The following MYO15B variants were observed in gnomAD, a reference collection of about 807,000 sequenced individuals.
MYO15B encodes myosin XVB.
A neutral mutation model predicts 119.3 loss-of-function variants in MYO15B; 207 were observed. That is an observed-to-expected ratio of 1.73 (90% CI 1.55 to 1.95). The LOEUF is 1.95. Ranked by LOEUF, MYO15B falls within the 30% of genes most tolerant of loss-of-function variation. The pLI, the probability that MYO15B is intolerant of heterozygous loss-of-function variation, is 0.00. For synonymous variants in MYO15B, 966 were observed against 498.9 expected (o/e 1.94, Z -12.48); for missense variants, 2,264 against 1,203.1 (o/e 1.88, Z -13.04).
chr17:75,592,864 C>A (rs924745558), intron 9 of MYO15B, 24 bp downstream of exon 9: 24 of 696,218 alleles, frequency 3.4e-5, no homozygotes, highest in Non-Finnish European at 5.5e-5. Context: ...TGGGCAGGGG[C>A]CATCTGGGGT....
At chr17:75,593,197 TAA>T (rs5822094) in intron 9 of MYO15B, among the ~76,000 whole-genome samples, 8,023 of 74,062 alleles carry the variant, frequency 0.11, 377 homozygotes, top group African/African-American at 0.16. Flanking sequence ...CCGTCTCTAT[TAA>T]AAAAAAAAAA....
exon 41 of MYO15B, chr17:75,617,156 T>C: frequency 1.5e-6 from 1 of 689,130 alleles, no homozygotes; most frequent in Non-Finnish European, 2.7e-6. Flanking sequence ...CGCTACAGCT[T>C]GGGCCCTCTA....
chr17:75,588,235 C>G (rs1019156359), exon 1 of MYO15B: 5 of 398,052 alleles, frequency 1.3e-5, no homozygotes, highest in Non-Finnish European at 2.2e-5. Context: ...CGCCGGGGGC[C>G]AGGGAACCCC....
At chr17:75,604,437 G>A (rs2057482633) in intron 19 of MYO15B, among the ~76,000 whole-genome samples, 1 of 151,036 alleles carries the variant, frequency 6.6e-6, no homozygotes, top group Admixed American at 6.6e-5. Context: ...CCTGTGAAAT[G>A]TCCTTCAACA....
rs553071918 is a variant in MYO15B at position 75,624,726 on chromosome 17, G to A, written c.8543-45G>A. 1.6e-4 allele frequency: 110 copies of A among 702,570 alleles called. 1 individual carries two copies. The highest frequency in any genetic ancestry group is 1.5e-3 in the South Asian group (100 of 67,578). The allele number at this position is 702,570 out of a possible 1,614,324, so 43.5% of individuals were successfully genotyped here. A position where few individuals can be genotyped will look rare whatever the true frequency, so the allele number is the denominator to read the frequency against. ...GGTTTCTGCTGGGGTGGCAGGGCCG[G>A]GTGTGTGTGGTCTGAGCAGCAGTGG... On this transcript the variant is annotated intron_variant, in intron 58 of 63. Transcript: ENST00000645453.
Position 75,601,571 on chromosome 17 carries a change from G to A in MYO15B, c.3651+8G>A, listed in dbSNP as rs1483393895. 4.3e-6 allele frequency: 3 copies of A among 702,844 alleles called. No individual in the cohort carries two copies. The highest frequency in any genetic ancestry group is 4.0e-5 in the Admixed American group (2 of 49,982). 43.5% of individuals were successfully genotyped at this position (702,844 alleles called of 1,614,324 possible). Reference sequence around the variant, plus strand: ...GGGACTGTCACCTACCAGGTACCTGGCCTCAGGGACAGACCAGGGTGAATC... The same window carrying A: ...GGGACTGTCACCTACCAGGTACCTGACCTCAGGGACAGACCAGGGTGAATC... On this transcript the variant is annotated splice_region_variant and intron_variant, in intron 15 of 63. Coordinates refer to ENST00000645453, the Ensembl canonical transcript of MYO15B.
intron 14 of MYO15B, among the ~76,000 whole-genome samples, chr17:75,598,410 C>T (rs1401638579): frequency 6.6e-6 from 1 of 151,020 alleles, no homozygotes; most frequent in Admixed American, 6.6e-5. Flanking sequence ...AACCCGGTCT[C>T]TACTAAAAAT....
chr17:75,591,169 C>T lies in MYO15B; in HGVS notation c.2361-3C>T, dbSNP rs1464284281. ...TGTCTGGCAACCTTCTCATCTCCCTCAGACACATCTTTGCCATCGTGGCAT... is the reference window on the plus strand; with the variant it reads ...TGTCTGGCAACCTTCTCATCTCCCTTAGACACATCTTTGCCATCGTGGCAT... On this transcript the variant is annotated splice_region_variant and splice_polypyrimidine_tract_variant and intron_variant, in intron 3 of 63. Coordinates refer to ENST00000645453, the Ensembl canonical transcript of MYO15B. 1 of 702,860 alleles carries T rather than the reference C, an allele frequency of 1.4e-6. No individual in the cohort carries two copies. The highest frequency in any genetic ancestry group is 2.6e-6 in the Non-Finnish European group (1 of 384,954). The allele number at this position is 702,860 out of a possible 1,614,324, so 43.5% of individuals were successfully genotyped here. A position where few individuals can be genotyped will look rare whatever the true frequency, so the allele number is the denominator to read the frequency against.
In MYO15B at chr17:75,601,519, C is replaced by T. The variant is rs766337801; in HGVS notation, c.3607C>T (p.Pro1203Ser). ...CTATGCCAAGCCCCGGCTGCCCCTG[C>T]CCGTGTTCACCGTGCGACATTATGC... is the stretch of plus-strand genomic sequence containing the variant. Residue 1203 changes from proline (P) to serine (S), a missense_variant, in exon 15 of 64, where the codon CCC (proline) becomes TCC (serine). Physicochemically the swap from Pro to Ser is moderately conservative, Grantham distance 74. Coordinates refer to ENST00000645453, the Ensembl canonical transcript of MYO15B. 5.7e-6 allele frequency: 4 copies of T among 703,182 alleles called. No homozygotes were observed. In the South Asian group the frequency reaches 5.9e-5, roughly 10 times the overall value. 43.6% of individuals were successfully genotyped at this position (703,182 alleles called of 1,614,324 possible). A position where few individuals can be genotyped will look rare whatever the true frequency, so the allele number is the denominator to read the frequency against.
At chr17:75,620,541 G>A (rs1415193572) in exon 49 of MYO15B, 8 of 702,700 alleles carry the variant, frequency 1.1e-5, no homozygotes, top group Middle Eastern at 2.3e-4. Flanking sequence ...TGCCGCTCCC[G>A]ACTTTTCCTT....
At chr17:75,599,307 C>T (rs1441956742) in intron 14 of MYO15B, among the ~76,000 whole-genome samples, 5 of 150,756 alleles carry the variant, frequency 3.3e-5, no homozygotes, top group Non-Finnish European at 1.5e-5. Context: ...GACAGAGTCT[C>T]GCTGTTGCCC....
intron 21 of MYO15B, among the ~76,000 whole-genome samples, chr17:75,606,645 G>T (rs1049670974): frequency 6.6e-6 from 1 of 151,832 alleles, no homozygotes; most frequent in Non-Finnish European, 1.5e-5. Flanking sequence ...GGCTAATTTT[G>T]TATTTTTAGT....
rs1267906298 is a variant in MYO15B at position 75,605,630 on chromosome 17, G to A, written c.4134+9G>A. 1 of 702,982 alleles carries A rather than the reference G, an allele frequency of 1.4e-6. No homozygotes were observed. The highest frequency in any genetic ancestry group is 2.6e-6 in the Non-Finnish European group (1 of 384,996). 43.5% of individuals were successfully genotyped at this position (702,982 alleles called of 1,614,324 possible). A position where few individuals can be genotyped will look rare whatever the true frequency, so the allele number is the denominator to read the frequency against. ...ACCTTGGAGCCACCAAGGTGGGTGT[G>A]TGTATCCCTGTGTGCAGAGGGCAGC... On this transcript the variant is annotated intron_variant, in intron 20 of 63. Coordinates refer to ENST00000645453, the Ensembl canonical transcript of MYO15B.
exon 27 of MYO15B, chr17:75,613,054 G>A: frequency 1.4e-6 from 1 of 701,592 alleles, no homozygotes; most frequent in Admixed American, 2.0e-5. Flanking sequence ...GGCAGGGGCA[G>A]TGCCGGCCAG....
At chr17:75,617,188 G>T in exon 41 of MYO15B, 1 of 694,148 alleles carries the variant, frequency 1.4e-6, no homozygotes, top group East Asian at 2.7e-5. Flanking sequence ...GAAAAGCAGG[G>T]GCCCCTTCTG....
At position 75,620,415 on chromosome 17, in the gene MYO15B, G is replaced by T. The variant is rs974966733; in HGVS notation, c.7556-52G>T. ...GGAGGGCATCCACTTGGCAGAGGCT[G>T]CCCGGGGGCAGAGGGTCCAGTGGGT... On this transcript the variant is annotated intron_variant, in intron 48 of 63. Coordinates refer to ENST00000645453, the Ensembl canonical transcript of MYO15B. The T allele has an allele frequency of 1.4e-5, 10 of 702,718 alleles. No homozygotes were observed. In the South Asian group the frequency reaches 1.5e-4, roughly 10 times the overall value. The allele number at this position is 702,718 out of a possible 1,614,324, so 43.5% of individuals were successfully genotyped here.
At chr17:75,625,918 G>A (rs774089056) in exon 62 of MYO15B, 26 of 702,590 alleles carry the variant, frequency 3.7e-5, no homozygotes, top group Admixed American at 1.8e-4. Flanking sequence ...GGCCCTGTCC[G>A]GACCCACTCT....
In MYO15B at chr17:75,589,709, A is replaced by G; in HGVS notation, c.1652A>G (p.His551Arg). The change falls in exon 1 of 64, where the codon CAC becomes CGC. Residue 551 changes from histidine (H) to arginine (R), a missense_variant. Coordinates refer to ENST00000645453, the Ensembl canonical transcript of MYO15B. The surrounding 1 kb of genome is among the most constrained non-coding windows in gnomAD (Gnocchi z 4.2). ...TTCGCGGTCGTGTTCCCCAGGATCC[A>G]CAGGGCAGGGCGGGCGTCGAGCAGC... The G allele has an allele frequency of 2.5e-6, 1 of 398,684 alleles. No homozygotes were observed. The highest frequency in any genetic ancestry group is 4.4e-6 in the Non-Finnish European group (1 of 226,000). 24.7% of individuals were successfully genotyped at this position (398,684 alleles called of 1,614,324 possible).
chr17:75,626,550 CTGCCTTGGA>C (rs1292181137), exon 64 of MYO15B: 12 of 701,454 alleles, frequency 1.7e-5, no homozygotes, highest in Middle Eastern at 2.3e-4. Flanking sequence ...CCCACATGGT[CTGCCTTGGA>C]TGCTATCAGA....
Sources: allele counts gnomAD v4.1 joint callset (sites outside exome capture counted in the v4.1 genomes callset), GRCh38; gene constraint gnomAD v4.1.1; non-coding constraint Gnocchi (gnomAD v3.1); transcripts MANE v1.5; gene names NCBI Gene and HGNC (gene_info 2026-07-23, HGNC 2026-07-21).